JAKMIP1: variants seen among roughly 807,000 people sequenced by gnomAD.
JAKMIP1 encodes the protein janus kinase and microtubule-interacting protein 1.
JAKMIP1 carries 33 observed loss-of-function variants against 113.0 expected under a neutral mutation model. The ratio of observed to expected loss-of-function variants is 0.29; its 90% CI spans 0.22 to 0.39. The LOEUF (loss-of-function observed/expected upper bound fraction) is 0.39. Ranked by LOEUF, JAKMIP1 falls within the 10% of genes least tolerant of loss-of-function variation. The probability of loss-of-function intolerance (pLI) is 1.00; values close to 1 mark genes in which losing one functional copy is unlikely to be tolerated. For missense variants in JAKMIP1, 813 were observed against 1,080.5 expected (o/e 0.75, Z 3.47); for synonymous variants, 480 against 459.9 (o/e 1.04, Z -0.56).
At chr4:6,071,380 C>G (rs1718934633) in intron 8 of JAKMIP1, among the ~76,000 whole-genome samples, 1 of 152,154 alleles carries the variant, frequency 6.6e-6, no homozygotes. Context: ...GGGCTGCAAT[C>G]TGGAACCTTT....
At chr4:6,163,903 TGTGGAGAAGC>T (rs1723259069) in intron 1 of JAKMIP1, among the ~76,000 whole-genome samples, 1 of 152,154 alleles carries the variant, frequency 6.6e-6, no homozygotes, top group Non-Finnish European at 1.5e-5. Context: ...GGCTAAGAGA[TGTGGAGAAGC>T]TGCAGAATAA....
In JAKMIP1 at chr4:6,056,736, C is replaced by T. The variant is rs986075888; in HGVS notation, c.1668G>A (p.Lys556=). The change falls in exon 12 of 21, where the codon AAG becomes AAA. Residue 556 remains lysine (K), a synonymous_variant. Transcript: ENST00000409021. ...KGQDSKWVEE[K]QLLIRTNQDL... ...CTTGGTTTGTTCTGATGAGCAGCTG[C>T]TTCTCTTCAACCCACTTGGAATCCT... 6.2e-7 allele frequency: 1 copy of T among 1,613,406 alleles called. No individual in the cohort carries two copies. Among genetic ancestry groups the T allele is most frequent in the Non-Finnish European group, 8.5e-7 (1 of 1,179,552 alleles).
At chr4:6,196,671 T>C (rs1270880017) in intron 1 of JAKMIP1, among the ~76,000 whole-genome samples, 4 of 152,090 alleles carry the variant, frequency 2.6e-5, no homozygotes, top group East Asian at 1.9e-4. Flanking sequence ...CCAGCCTGGT[T>C]AACATGGTGA....
At chr4:6,085,807 C>G (rs1358233321) in intron 3 of JAKMIP1, among the ~76,000 whole-genome samples, 178 bp from the exon 4 acceptor site, 1 of 152,186 alleles carries the variant, frequency 6.6e-6, no homozygotes. Flanking sequence ...GGCTTGTTCC[C>G]CGTCACTCCC....
intron 19 of JAKMIP1, among the ~76,000 whole-genome samples, chr4:6,032,779 C>T (rs532611986): frequency 1.6e-4 from 24 of 152,318 alleles, no homozygotes; most frequent in African/African-American, 5.8e-4. Context: ...TTGGAAGGGG[C>T]TCTAGAGGGC....
At chr4:6,175,256 C>G (rs771063496) in intron 1 of JAKMIP1, among the ~76,000 whole-genome samples, 56 of 152,118 alleles carry the variant, frequency 3.7e-4, no homozygotes, top group Non-Finnish European at 7.4e-4. Context: ...CACAGAACTC[C>G]CATGTGATAG....
At chr4:6,078,581 C>T (rs572609793) in intron 8 of JAKMIP1, among the ~76,000 whole-genome samples, 1 of 152,086 alleles carries the variant, frequency 6.6e-6, no homozygotes, top group East Asian at 1.9e-4. Context: ...ACACAAAGCT[C>T]CTGATTTTTT....
At chr4:6,087,415 G>C (rs1002423423) in intron 3 of JAKMIP1, among the ~76,000 whole-genome samples, 1 of 152,198 alleles carries the variant, frequency 6.6e-6, no homozygotes, top group Non-Finnish European at 1.5e-5. Context: ...ATTTGGTACA[G>C]TGCCTAGCAT....
intron 3 of JAKMIP1, among the ~76,000 whole-genome samples, chr4:6,096,976 T>C (rs1711895719): frequency 6.6e-6 from 1 of 152,182 alleles, no homozygotes. Context: ...CTGGGGTTGT[T>C]TGGCATCACC....
chr4:6,049,762 G>C lies in JAKMIP1; in HGVS notation c.1962+57C>G. 1.6e-6 allele frequency: 2 copies of C among 1,280,426 alleles called. No individual in the cohort carries two copies. Among genetic ancestry groups the C allele is most frequent in the East Asian group, 2.3e-5 (1 of 43,328 alleles). 79.3% of individuals were successfully genotyped at this position (1,280,426 alleles called of 1,614,324 possible). On this transcript the variant is annotated intron_variant, in intron 15 of 20. Coordinates refer to ENST00000409021, the MANE Select transcript of JAKMIP1 (RefSeq NM_001099433.2). The surrounding 1 kb of genome is among the most constrained non-coding windows in gnomAD (Gnocchi z 7.0). ...AACAAAACAAAACAAAAGTCACACA[G>C]AATACACCCAGATCAAAACAAGAAC...
intron 5 of JAKMIP1, 77 bp downstream of exon 5, chr4:6,084,769 T>C: frequency 6.9e-7 from 1 of 1,456,564 alleles, no homozygotes. Context: ...TAACTTTCTG[T>C]GCAGGGCATG....
chr4:6,189,910 C>G (rs1013935164), intron 1 of JAKMIP1, among the ~76,000 whole-genome samples: 2 of 152,242 alleles, frequency 1.3e-5, no homozygotes, highest in African/African-American at 4.8e-5. Context: ...TGTAGCTAGA[C>G]ACAGGCTCTG....
chr4:6,178,385 G>C lies in JAKMIP1; in HGVS notation c.-148+21868C>G, dbSNP rs918454904. Among the ~76,000 whole-genome samples the C allele has an allele frequency of 5.3e-5, 8 of 152,138 alleles. No individual in the cohort carries two copies. Among genetic ancestry groups the C allele is most frequent in the African/African-American group, 1.9e-4 (8 of 41,414 alleles). The stretch of plus-strand genomic sequence containing the variant: ...CTCGGGAGGTAATTGAATCATGGGG[G>C]CAGTTTACCCCATACTATTCTCATG... On this transcript the variant is annotated intron_variant, in intron 1 of 20. Transcript: ENST00000409021. The surrounding 1 kb of genome is among the most constrained non-coding windows in gnomAD (Gnocchi z 5.5).
rs955411320 is a variant in JAKMIP1 at position 6,167,926 on chromosome 4, A to G, written c.-148+32327T>C. Among the ~76,000 whole-genome samples, 1 of 152,314 alleles carries G rather than the reference A, an allele frequency of 6.6e-6. No individual in the cohort carries two copies. Among genetic ancestry groups the G allele is most frequent in the African/African-American group, 2.4e-5 (1 of 41,564 alleles). On this transcript the variant is annotated intron_variant, in intron 1 of 20. Coordinates refer to ENST00000409021, the MANE Select transcript of JAKMIP1 (RefSeq NM_001099433.2). The surrounding 1 kb of genome is among the most constrained non-coding windows in gnomAD (Gnocchi z 5.3). ...TGCGCCAGATCGCTGCACCAGTGAG[A>G]CTTTGTCTCCCAGAGCTGACAGCAT...
intron 1 of JAKMIP1, among the ~76,000 whole-genome samples, chr4:6,196,325 G>A (rs1159048822): frequency 6.6e-6 from 1 of 152,164 alleles, no homozygotes; most frequent in Admixed American, 6.5e-5. Flanking sequence ...ACAGCATGAG[G>A]CCCCCACAGC....
rs1722503926 is a variant in JAKMIP1, at chr4:6,094,275, A to G, written c.625-8646T>C. 6.6e-6 allele frequency among the ~76,000 whole-genome samples: 1 copy of G among 152,224 alleles called. No homozygotes were observed. The highest frequency in any genetic ancestry group is 2.4e-5 in the African/African-American group (1 of 41,454). ...GCTCACCAAATGGAGTGCCCGGAAA[A>G]TATATAGCCTCTCTTCCGTAATTTT... On this transcript the variant is annotated intron_variant, in intron 3 of 20. Coordinates refer to ENST00000409021, the MANE Select transcript of JAKMIP1 (RefSeq NM_001099433.2). This position sits in a 1 kb window ranked among gnomAD's most constrained non-coding sequence, Gnocchi z 4.2.
chr4:6,194,227 C>T lies in JAKMIP1; in HGVS notation c.-148+6026G>A, dbSNP rs1426628800. Reference sequence around the variant, plus strand: ...TGCAGCTAGATTGAGGTGACAGTTGCACAACATCGTGAATGCAGTAAATGC... The same window carrying T: ...TGCAGCTAGATTGAGGTGACAGTTGTACAACATCGTGAATGCAGTAAATGC... On this transcript the variant is annotated intron_variant, in intron 1 of 20. Coordinates refer to ENST00000409021, the MANE Select transcript of JAKMIP1 (RefSeq NM_001099433.2). This position sits in a 1 kb window ranked among gnomAD's most constrained non-coding sequence, Gnocchi z 7.4. 6.6e-6 allele frequency among the ~76,000 whole-genome samples: 1 copy of T among 152,008 alleles called. No individual in the cohort carries two copies. Among genetic ancestry groups the T allele is most frequent in the Admixed American group, 6.6e-5 (1 of 15,252 alleles).
At chr4:6,177,179 T>C (rs1173746803) in intron 1 of JAKMIP1, among the ~76,000 whole-genome samples, 45 of 152,082 alleles carry the variant, frequency 3.0e-4, no homozygotes. Context: ...ACGTCAATCT[T>C]CCCAAAGGGA....
rs1720267089 is a variant in JAKMIP1, at chr4:6,142,249, G to T, written c.-147-29252C>A. On this transcript the variant is annotated intron_variant, in intron 1 of 20. Transcript: ENST00000409021. The surrounding 1 kb of genome is among the most constrained non-coding windows in gnomAD (Gnocchi z 5.5). The stretch of plus-strand genomic sequence containing the variant: ...TACAGATTTAGAATTTTTTTCCATG[G>T]AGAGATTCCCTTTCCAATTCACTGG... 6.6e-6 allele frequency among the ~76,000 whole-genome samples: 1 copy of T among 152,162 alleles called. No homozygotes were observed. The highest frequency in any genetic ancestry group is 1.5e-5 in the Non-Finnish European group (1 of 68,036).
Sources: gnomAD v4.1 joint callset for allele counts (sites outside exome capture counted in the v4.1 genomes callset) on GRCh38, gnomAD v4.1.1 for gene constraint, Gnocchi (gnomAD v3.1) non-coding constraint, MANE v1.5 for transcripts, NCBI Gene and HGNC (gene_info 2026-07-23, HGNC 2026-07-21) for gene names.